MYBL2: variants seen among roughly 807,000 people sequenced by gnomAD.
MYBL2 encodes MYB proto-oncogene like 2.
Under a neutral mutation model 79.9 loss-of-function variants are expected in MYBL2, and 28 were observed. That is an observed-to-expected ratio of 0.35 (90% CI 0.26 to 0.48). The LOEUF is 0.48. Ranked by LOEUF, MYBL2 falls within the 20% of genes least tolerant of loss-of-function variation. The pLI, the probability that MYBL2 is intolerant of heterozygous loss-of-function variation, is 0.99. For missense variants in MYBL2, 735 were observed against 893.9 expected (o/e 0.82, Z 2.27); for synonymous variants, 378 against 361.2 (o/e 1.05, Z -0.53).
intron 1 of MYBL2, among the ~76,000 whole-genome samples, chr20:43,669,169 C>A (rs1986800250): frequency 1.3e-5 from 2 of 152,090 alleles, no homozygotes; most frequent in South Asian, 2.1e-4. Context: ...TGGAAGGGGG[C>A]GGGAGTGGCC....
chr20:43,687,556 G>T (rs1987307231), intron 5 of MYBL2, among the ~76,000 whole-genome samples: 1 of 152,070 alleles, frequency 6.6e-6, no homozygotes, highest in Non-Finnish European at 1.5e-5. Context: ...TCACCACTCT[G>T]TTAAATGACT....
At chr20:43,678,933 A>G (rs913585461) in intron 2 of MYBL2, among the ~76,000 whole-genome samples, 6 of 146,984 alleles carry the variant, frequency 4.1e-5, no homozygotes, top group South Asian at 2.2e-4. Context: ...GGAGTGGGAG[A>G]GGGCGCTGTG....
intron 10 of MYBL2, 111 bp downstream of exon 10, chr20:43,710,173 C>T (rs1987874516): frequency 2.3e-6 from 2 of 853,696 alleles, no homozygotes; most frequent in African/African-American, 3.5e-5. Context: ...TTGATTCTTT[C>T]TCCTGAGAAG....
At chr20:43,698,274 T>C (rs1192881715) in intron 6 of MYBL2, among the ~76,000 whole-genome samples, 1 of 151,206 alleles carries the variant, frequency 6.6e-6, no homozygotes, top group Admixed American at 6.6e-5. Context: ...GGTCTCGAAC[T>C]CCTGGGCTCA....
Position 43,711,474 on chromosome 20 carries a change from G to T in MYBL2, c.1606-14G>T, listed in dbSNP as rs111448344. 6.2e-7 allele frequency: 1 copy of T among 1,605,770 alleles called. No homozygotes were observed. The highest frequency in any genetic ancestry group is 2.2e-5 in the East Asian group (1 of 44,584). On this transcript the variant is annotated splice_polypyrimidine_tract_variant and intron_variant, in intron 10 of 13. Coordinates refer to ENST00000217026, the MANE Select transcript of MYBL2 (RefSeq NM_002466.4). ...TGTGGTGCCTCACGTGGGCTGCCCC[G>T]TGCCTACCCACAGCCACAGACCCCG...
chr20:43,672,074 G>T (rs535203772), intron 1 of MYBL2, among the ~76,000 whole-genome samples: 2 of 151,984 alleles, frequency 1.3e-5, no homozygotes, highest in South Asian at 4.1e-4. Context: ...AGCCGGGCGC[G>T]GTGGCAGGCG....
chr20:43,714,777 C>T (rs1987989655), intron 12 of MYBL2, among the ~76,000 whole-genome samples: 1 of 151,968 alleles, frequency 6.6e-6, no homozygotes, highest in African/African-American at 2.4e-5. Context: ...ACAACAGGCG[C>T]CCACCACCAC....
At chr20:43,682,479 T>C (rs60355233) in intron 3 of MYBL2, among the ~76,000 whole-genome samples, 2,123 of 152,340 alleles carry the variant, frequency 0.014, 51 homozygotes, top group African/African-American at 0.049. Flanking sequence ...GGAATAAAAA[T>C]GCTCTCCTAG....
chr20:43,715,402 T>A, intron 13 of MYBL2, 119 bp downstream of exon 13: 1 of 1,496,924 alleles, frequency 6.7e-7, no homozygotes, highest in South Asian at 1.3e-5. Flanking sequence ...GGCCTTTGCA[T>A]AGGCTGTTCC....
At chr20:43,670,749 G>T (rs1986834796) in intron 1 of MYBL2, among the ~76,000 whole-genome samples, 2 of 152,152 alleles carry the variant, frequency 1.3e-5, no homozygotes, top group African/African-American at 4.8e-5. Context: ...AGGTAATGTG[G>T]ATAGCACAGT....
chr20:43,673,715 C>T lies in MYBL2; in HGVS notation c.21-91C>T, dbSNP rs777189055. 3 of 1,240,108 alleles carry T rather than the reference C, an allele frequency of 2.4e-6. No homozygotes were observed. The African/African-American group carries it at 4.4e-5, about 18-fold the overall frequency. 76.8% of individuals were successfully genotyped at this position (1,240,108 alleles called of 1,614,324 possible). ...AGAGCCTCTCTCCCCCAGACCTTTC[C>T]CTAGGGTGGGCTGGCCGCTGCCTAC... On this transcript the variant is annotated intron_variant, in intron 1 of 13. Coordinates refer to ENST00000217026, the MANE Select transcript of MYBL2 (RefSeq NM_002466.4).
At chr20:43,703,009 C>T in intron 8 of MYBL2, 106 bp downstream of exon 8, 3 of 1,263,518 alleles carry the variant, frequency 2.4e-6, no homozygotes, top group Admixed American at 4.8e-5. Context: ...CCTCATGCAG[C>T]TTATGCTCTG....
chr20:43,678,400 G>T (rs1177691338), intron 2 of MYBL2, among the ~76,000 whole-genome samples: 1 of 152,102 alleles, frequency 6.6e-6, no homozygotes, highest in East Asian at 1.9e-4. Context: ...GGGCTTAGAA[G>T]CTGTAGGATT....
chr20:43,687,672 A>G (rs1987310011), intron 5 of MYBL2, among the ~76,000 whole-genome samples: 1 of 151,892 alleles, frequency 6.6e-6, no homozygotes, highest in South Asian at 2.1e-4. Context: ...AGGCTTTCCC[A>G]CTCCCCATAT....
chr20:43,681,166 A>G (rs1008524010), intron 2 of MYBL2, among the ~76,000 whole-genome samples: 1 of 151,762 alleles, frequency 6.6e-6, no homozygotes, highest in Non-Finnish European at 1.5e-5. Context: ...TCTTCTAACT[A>G]CTCTTGTTTT....
At chr20:43,699,121 C>T (rs775587849) in intron 6 of MYBL2, among the ~76,000 whole-genome samples, 35 of 152,166 alleles carry the variant, frequency 2.3e-4, no homozygotes, top group Admixed American at 3.9e-4. Context: ...TCACTGCAAC[C>T]TCTGCCTCCC....
At chr20:43,681,761 C>A in intron 2 of MYBL2, 23 bp from the exon 3 acceptor site, 1 of 1,613,934 alleles carries the variant, frequency 6.2e-7, no homozygotes, top group Non-Finnish European at 8.5e-7. Context: ...TGTGCTGAGC[C>A]CCTGTCTTTC....
In MYBL2 at chr20:43,667,251, G is replaced by C; in HGVS notation, c.-33G>C. 1 of 1,215,752 alleles carries C rather than the reference G, an allele frequency of 8.2e-7. No homozygotes were observed. The highest frequency in any genetic ancestry group is 3.3e-5 in the East Asian group (1 of 30,546). 75.3% of individuals were successfully genotyped at this position (1,215,752 alleles called of 1,614,324 possible). On this transcript the variant is annotated 5_prime_UTR_variant, in exon 1 of 14. Coordinates refer to ENST00000217026, the MANE Select transcript of MYBL2 (RefSeq NM_002466.4). ...CTCCCGCTCCGGGCTCTGCCGGCGG[G>C]CGGGCGAGCGCGGCGCGGTCCGGGC...
chr20:43,683,389 G>T (rs76109930), intron 4 of MYBL2, among the ~76,000 whole-genome samples: 1,920 of 152,156 alleles, frequency 0.013, 44 homozygotes, highest in African/African-American at 0.044. Context: ...GGCTCAGAGA[G>T]GTTGGGGATG....
Sources: allele counts gnomAD v4.1 joint callset (sites outside exome capture counted in the v4.1 genomes callset), GRCh38; gene constraint gnomAD v4.1.1; transcripts MANE v1.5; gene names NCBI Gene and HGNC (gene_info 2026-07-23, HGNC 2026-07-21).